CERCAM: variants seen among roughly 807,000 people sequenced by gnomAD.
CERCAM encodes inactive glycosyltransferase 25 family member 3.
Under a neutral mutation model 66.0 loss-of-function variants are expected in CERCAM, and 59 were observed. The observed-to-expected ratio is 0.89, with a 90% CI of 0.73 to 1.11. The LOEUF (loss-of-function observed/expected upper bound fraction) is 1.11, where lower values mean the gene tolerates loss of function less well. Among genes scored for constraint, CERCAM ranks in the 50% most tolerant of loss-of-function variants. The pLI is 0.00. For missense variants in CERCAM, 840 were observed against 828.3 expected, an observed-to-expected ratio of 1.01 and a Z score of -0.17; for synonymous variants, 318 against 343.6, an observed-to-expected ratio of 0.93 and a Z score of 0.83.
chr9:128,420,367 A>C (rs1366460583), upstream of CERCAM: 1 of 152,104 alleles, frequency 6.6e-6, no homozygotes, highest in African/African-American at 2.4e-5. The surrounding 1 kb of genome is among the most constrained non-coding windows in gnomAD (Gnocchi z 5.0). Context: ...GGGCCGCCAG[A>C]GGGCGCCCGG....
At chr9:128,429,894 A>T (rs1833935814) in intron 8 of CERCAM, among the ~76,000 whole-genome samples, 1 of 151,060 alleles carries the variant, frequency 6.6e-6, no homozygotes, top group Non-Finnish European at 1.5e-5. Flanking sequence ...GTTTTAAGTG[A>T]TTCTCCTCCC....
At position 128,424,520 on chromosome 9, in the gene CERCAM, AG is replaced by A. The variant is rs1293032623; in HGVS notation, c.676del (p.Ala226GlnfsTer45). 1 of 1,613,872 alleles carries A rather than the reference AG, an allele frequency of 6.2e-7. No homozygotes were observed. Among genetic ancestry groups the A allele is most frequent in the Non-Finnish European group, 8.5e-7 (1 of 1,180,004 alleles). ...CCTTCCTTGCATCCCTGCGGGCTGAAGGGGCAGACCAGCTTGCTTTCTACCC... is the reference window on the plus strand; with the variant it reads ...CCTTCCTTGCATCCCTGCGGGCTGAAGGGCAGACCAGCTTGCTTTCTACCC... Reference protein sequence around the residue: ...STFLASLRAEGADQLAFYPPH... With the variant: ...STFLASLRAEXADQLAFYPPH... On this transcript the variant is annotated frameshift_variant, in exon 5 of 13. Transcript: ENST00000372838. LOFTEE classifies it high-confidence loss of function.
At chr9:128,422,440 C>T (rs1351560923) in intron 1 of CERCAM, 2 of 164,736 alleles carry the variant, frequency 1.2e-5, no homozygotes, top group Non-Finnish European at 2.7e-5. Flanking sequence ...TGGTGGTGCA[C>T]ACCTGTAATC....
At chr9:128,421,138 CCCCCGG>C in intron 1 of CERCAM, 64 bp downstream of exon 1, 1 of 1,259,780 alleles carries the variant, frequency 7.9e-7, no homozygotes, top group Non-Finnish European at 1.0e-6. Context: ...ATGGCCCCCG[CCCCCGG>C]CGGCCCTGTC....
Position 128,431,218 on chromosome 9 carries a change from C to T in CERCAM, c.1118C>T (p.Pro373Leu), listed in dbSNP as rs757226523. The part of the protein sequence containing the change: ...AIRNLGVDLL[P>L]GYQDPYSGRT... The stretch of plus-strand genomic sequence containing the variant: ...AGGAACCTCGGCGTAGACCTGCTCC[C>T]GGGCTACCAGGACCCTTACTCGGGC... The change falls in exon 9 of 13, where the codon CCG becomes CTG. Residue 373 changes from proline (P) to leucine (L), a missense_variant. Transcript: ENST00000372838. 2.5e-5 allele frequency: 41 copies of T among 1,614,028 alleles called. No individual in the cohort carries two copies. In the East Asian group the frequency reaches 4.9e-4, roughly 19 times the overall value.
chr9:128,434,407 C>G lies in CERCAM; in HGVS notation c.1332-3C>G. On this transcript the variant is annotated splice_region_variant and splice_polypyrimidine_tract_variant and intron_variant, in intron 10 of 12. Coordinates refer to ENST00000372838, the MANE Select transcript of CERCAM (RefSeq NM_016174.5). This position sits in a 1 kb window ranked among gnomAD's most constrained non-coding sequence, Gnocchi z 4.5. ...CTCCTGGGCCCCTTGGTGTCACTTACAGCTACCTCGGACGGAAGCAGGTGA... is the reference window on the plus strand; with the variant it reads ...CTCCTGGGCCCCTTGGTGTCACTTAGAGCTACCTCGGACGGAAGCAGGTGA... The G allele has an allele frequency of 6.2e-7, 1 of 1,613,870 alleles. No homozygotes were observed. Among genetic ancestry groups the G allele is most frequent in the Non-Finnish European group, 8.5e-7 (1 of 1,179,990 alleles).
intron 8 of CERCAM, among the ~76,000 whole-genome samples, chr9:128,430,556 G>A (rs1428837841): frequency 6.6e-6 from 1 of 152,074 alleles, no homozygotes. Context: ...CTTGACCATA[G>A]GCTATCCATC....
chr9:128,420,885 C>G lies in CERCAM; in HGVS notation c.8C>G (p.Ala3Gly), dbSNP rs1833692746. The G allele has an allele frequency of 1.5e-6, 2 of 1,298,668 alleles. No homozygotes were observed. Among genetic ancestry groups the G allele is most frequent in the Admixed American group, 8.1e-5 (2 of 24,664 alleles). 80.4% of individuals were successfully genotyped at this position (1,298,668 alleles called of 1,614,324 possible). A position where few individuals can be genotyped will look rare whatever the true frequency, so the allele number is the denominator to read the frequency against. ...GCCGCCCAAGCGCCCGCCATGCGCG[C>G]TGCCCGCGCCGCGCCGCTGCTCCAG... The part of the protein sequence containing the change: MR[A>G]ARAAPLLQLL... The change falls in exon 1 of 13, where the codon GCT becomes GGT. Residue 3 changes from alanine (A) to glycine (G), a missense_variant. Coordinates refer to ENST00000372838, the MANE Select transcript of CERCAM (RefSeq NM_016174.5). The surrounding 1 kb of genome is among the most constrained non-coding windows in gnomAD (Gnocchi z 5.0).
At chr9:128,433,278 CAAAAAAA>C (rs758064235) in intron 9 of CERCAM, among the ~76,000 whole-genome samples, 5 of 70,628 alleles carry the variant, frequency 7.1e-5, no homozygotes, top group African/African-American at 1.9e-4. Flanking sequence ...AACTCCGTCT[CAAAAAAA>C]AAAAAAAAAA....
intron 6 of CERCAM, 105 bp from the exon 7 acceptor site, chr9:128,428,652 T>C: frequency 7.7e-7 from 1 of 1,292,930 alleles, no homozygotes; most frequent in Non-Finnish European, 1.1e-6. Context: ...TCCTGTGGGG[T>C]GTTCTGCCAA....
intron 9 of CERCAM, 185 bp downstream of exon 9, chr9:128,431,488 A>G (rs1180801683): frequency 1.5e-6 from 1 of 677,234 alleles, no homozygotes; most frequent in East Asian, 2.8e-5. Context: ...TTCATTCTGC[A>G]GTCTCTCTTG....
chr9:128,424,307 G>A, intron 4 of CERCAM, 35 bp downstream of exon 4: 1 of 1,612,894 alleles, frequency 6.2e-7, no homozygotes, highest in Non-Finnish European at 8.5e-7. Flanking sequence ...GTGGACTGAG[G>A]TCCTGGAAGG....
rs1385542701 is a variant in CERCAM, at chr9:128,429,120, A to G, written c.1070+84A>G. ...CTAGCCCGCTAGGACTGGGAAAAGC[A>G]GACAGGTTGAATGAGTTTCCTGTCC... On this transcript the variant is annotated intron_variant, in intron 8 of 12. Coordinates refer to ENST00000372838, the MANE Select transcript of CERCAM (RefSeq NM_016174.5). 9 of 1,012,926 alleles carry G rather than the reference A, an allele frequency of 8.9e-6. No individual in the cohort carries two copies. In the African/African-American group the frequency reaches 1.3e-4, roughly 14 times the overall value. 62.7% of individuals were successfully genotyped at this position (1,012,926 alleles called of 1,614,324 possible).
intron 3 of CERCAM, 116 bp downstream of exon 3, chr9:128,423,379 G>A: frequency 1.2e-6 from 1 of 820,088 alleles, no homozygotes; most frequent in Non-Finnish European, 2.0e-6. Flanking sequence ...CACTTTGGGA[G>A]GCCAAGGCAG....
At chr9:128,421,564 GC>G (rs1564424070) in intron 1 of CERCAM, 7 of 972,158 alleles carry the variant, frequency 7.2e-6, no homozygotes, top group African/African-American at 1.8e-5. Context: ...AGTCAGACCG[GC>G]CCCCCCACCG....
In CERCAM at chr9:128,437,246, C is replaced by T. The variant is rs1364728708; in HGVS notation, c.*398C>T. On this transcript the variant is annotated 3_prime_UTR_variant, in exon 13 of 13. Transcript: ENST00000372838. ...GATGTTTGGGTCTCCCCAGCACCCT[C>T]CTCCCTGGCCGGTGCAAAGTACAGG... The T allele has an allele frequency of 6.6e-6, 1 of 152,122 alleles. No individual in the cohort carries two copies. The highest frequency in any genetic ancestry group is 1.5e-5 in the Non-Finnish European group (1 of 68,006). The allele number at this position is 152,122 out of a possible 1,614,324, so 9.4% of individuals were successfully genotyped here. A position where few individuals can be genotyped will look rare whatever the true frequency, so the allele number is the denominator to read the frequency against.
chr9:128,434,104 G>C lies in CERCAM; in HGVS notation c.1206G>C (p.Val402=), dbSNP rs1021037494. The change falls in exon 10 of 13, where the codon GTG becomes GTC. Residue 402 remains valine, a splice_region_variant and synonymous_variant. Transcript: ENST00000372838. The surrounding 1 kb of genome is among the most constrained non-coding windows in gnomAD (Gnocchi z 4.5). ...FLSHYSIWEE[V]VARGLARVLV... ...TCCCACCCCATTGTATGCCACAGGT[G>C]GTTGCCAGGGGCCTGGCCCGGGTCC... 1.2e-6 allele frequency: 2 copies of C among 1,614,102 alleles called. No homozygotes were observed. The highest frequency in any genetic ancestry group is 1.7e-6 in the Non-Finnish European group (2 of 1,179,994).
intron 4 of CERCAM, 59 bp downstream of exon 4, chr9:128,424,331 G>A: frequency 6.2e-7 from 1 of 1,612,214 alleles, no homozygotes; most frequent in Non-Finnish European, 8.5e-7. Flanking sequence ...GACGTGGAGA[G>A]CAGAGAGCCT....
intron 8 of CERCAM, among the ~76,000 whole-genome samples, chr9:128,429,606 A>AC (rs1833927879): frequency 6.8e-6 from 1 of 147,514 alleles, no homozygotes; most frequent in South Asian, 2.1e-4. Flanking sequence ...AGCTCTTTTT[A>AC]TTTTTTTTTT....
Sources: allele counts gnomAD v4.1 joint callset (sites outside exome capture counted in the v4.1 genomes callset), GRCh38; gene constraint gnomAD v4.1.1; non-coding constraint Gnocchi (gnomAD v3.1); transcripts MANE v1.5; gene names NCBI Gene and HGNC (gene_info 2026-07-23, HGNC 2026-07-21).